NUGGC: variants seen among roughly 807,000 people sequenced by gnomAD.
The protein encoded by NUGGC is nuclear GTPase SLIP-GC.
In NUGGC, 58 loss-of-function variants were observed where a neutral mutation model predicts 92.6. That is an observed-to-expected ratio of 0.63 (90% CI 0.51 to 0.78). The LOEUF (loss-of-function observed/expected upper bound fraction) is 0.78, where lower values mean the gene tolerates loss of function less well. Ranked by LOEUF, NUGGC falls within the 30% of genes least tolerant of loss-of-function variation. The probability of loss-of-function intolerance (pLI) is 0.00; values close to 1 mark genes in which losing one functional copy is unlikely to be tolerated. For synonymous variants in NUGGC, 376 were observed against 366.4 expected, an observed-to-expected ratio of 1.03 and a Z score of -0.30; for missense variants, 925 against 964.6, an observed-to-expected ratio of 0.96 and a Z score of 0.54.
Position 28,041,184 on chromosome 8 carries a change from C to G in NUGGC, c.1478G>C (p.Arg493Thr), listed in dbSNP as rs777007982. 2.5e-6 allele frequency: 4 copies of G among 1,611,232 alleles called. No individual in the cohort carries two copies. The highest frequency in any genetic ancestry group is 1.3e-5 in the African/African-American group (1 of 74,902). Residue 493 changes from arginine (R) to threonine (T), a missense_variant, in exon 13 of 19, where the codon AGA (arginine) becomes ACA (threonine). Arg to Thr is a moderately conservative substitution (Grantham distance 71). Coordinates refer to ENST00000413272, the MANE Select transcript of NUGGC (RefSeq NM_001010906.2). ...NEHLHMSVLR[R>T]FAEEKVELLE... ...CAGCTCAACCTTCTCTTCCGCAAAT[C>G]TCCGCAGGACACTCATGTGCAAGTG... is the stretch of plus-strand genomic sequence containing the variant.
At chr8:28,025,669 G>C (rs1303134539) in intron 18 of NUGGC, among the ~76,000 whole-genome samples, 3 of 152,196 alleles carry the variant, frequency 2.0e-5, no homozygotes, top group Admixed American at 6.5e-5. Flanking sequence ...CATCTAACCA[G>C]CCATAAATGG....
intron 10 of NUGGC, among the ~76,000 whole-genome samples, chr8:28,051,513 A>C (rs185872932): frequency 1.8e-3 from 272 of 152,382 alleles, no homozygotes; most frequent in Non-Finnish European, 3.2e-3. Context: ...TTTACCTAAC[A>C]TATAAAAGAA....
chr8:28,054,812 C>T (rs1434759076), intron 10 of NUGGC, among the ~76,000 whole-genome samples: 1 of 152,122 alleles, frequency 6.6e-6, no homozygotes, highest in Non-Finnish European at 1.5e-5. Flanking sequence ...ACGTGGGAGG[C>T]TGAGGCAGGA....
At position 28,030,480 on chromosome 8, in the gene NUGGC, G is replaced by T. The variant is rs1585553947; in HGVS notation, c.1909-62C>A. 4 of 848,186 alleles carry T rather than the reference G, an allele frequency of 4.7e-6. No individual in the cohort carries two copies. In the Admixed American group the frequency reaches 8.0e-5, roughly 17 times the overall value. The allele number at this position is 848,186 out of a possible 1,614,324, so 52.5% of individuals were successfully genotyped here. A position where few individuals can be genotyped will look rare whatever the true frequency, so the allele number is the denominator to read the frequency against. On this transcript the variant is annotated intron_variant, in intron 15 of 18. Coordinates refer to ENST00000413272, the MANE Select transcript of NUGGC (RefSeq NM_001010906.2). ...TTCCTTCAATGGAAGCAGGTCAGGTGTCCCAGTGCATGGCCACCATTCCCT... is the reference window on the plus strand; with the variant it reads ...TTCCTTCAATGGAAGCAGGTCAGGTTTCCCAGTGCATGGCCACCATTCCCT...
chr8:28,044,222 T>C (rs1809770837), intron 12 of NUGGC, among the ~76,000 whole-genome samples: 1 of 152,194 alleles, frequency 6.6e-6, no homozygotes, highest in South Asian at 2.1e-4. Flanking sequence ...ATGTACTTCC[T>C]CTACCCCTTC....
chr8:28,068,291 A>G lies in NUGGC; in HGVS notation c.405T>C (p.Cys135=). 8 of 1,551,866 alleles carry G rather than the reference A, an allele frequency of 5.2e-6. No homozygotes were observed. The highest frequency in any genetic ancestry group is 4.0e-4 in the Middle Eastern group (2 of 5,036). Residue 135 remains cysteine (C), a synonymous_variant, in exon 5 of 19, where the codon TGT becomes TGC. Transcript: ENST00000413272. ...AGCTCACTTGTACAATGCAGGAAGT[A>G]CATATGCTTTCTCCAGACACTGGTA... The part of the protein sequence containing the change: ...MFLPVSGESI[C]TSCIVQVSSG...
intron 18 of NUGGC, among the ~76,000 whole-genome samples, 156 bp downstream of exon 18, chr8:28,026,806 C>T (rs1343170487): frequency 1.3e-5 from 2 of 152,134 alleles, no homozygotes; most frequent in East Asian, 1.9e-4. Context: ...CCATCATCAT[C>T]GTCATCATCT....
At chr8:28,027,787 G>C (rs1809306429) in intron 17 of NUGGC, among the ~76,000 whole-genome samples, 1 of 152,136 alleles carries the variant, frequency 6.6e-6, no homozygotes, top group Non-Finnish European at 1.5e-5. Context: ...TCATCTTTAA[G>C]ATCAGGGAAC....
chr8:28,025,067 T>C (rs1809222678), intron 18 of NUGGC, among the ~76,000 whole-genome samples: 1 of 152,236 alleles, frequency 6.6e-6, no homozygotes, highest in Non-Finnish European at 1.5e-5. Flanking sequence ...CTGCCTGCCT[T>C]CCACCCACTG....
chr8:28,028,744 C>T (rs1809334419), intron 17 of NUGGC, among the ~76,000 whole-genome samples: 1 of 152,208 alleles, frequency 6.6e-6, no homozygotes, highest in South Asian at 2.1e-4. Flanking sequence ...AAAATTAAAG[C>T]TGAATGTGTG....
intron 10 of NUGGC, among the ~76,000 whole-genome samples, chr8:28,051,085 A>G (rs1809989014): frequency 6.6e-6 from 1 of 152,036 alleles, no homozygotes; most frequent in Admixed American, 6.6e-5. Context: ...CGGCCTCCCA[A>G]AGTGCTGAGA....
chr8:28,064,047 C>T (rs942559713), intron 7 of NUGGC, among the ~76,000 whole-genome samples: 6 of 152,186 alleles, frequency 3.9e-5, no homozygotes, highest in Admixed American at 6.5e-5. Context: ...CCCTCCTCCA[C>T]GGACCCCATG....
In NUGGC at chr8:28,055,828, C is replaced by A. The variant is rs779130676; in HGVS notation, c.1206+137G>T. On this transcript the variant is annotated intron_variant, in intron 10 of 18. Coordinates refer to ENST00000413272, the MANE Select transcript of NUGGC (RefSeq NM_001010906.2). ...AGCCTGGCCAACAGAGTGAGACCCG[C>A]GTCTCAAAACAAAAGAAACTAACTG... 7.1e-5 allele frequency: 40 copies of A among 561,932 alleles called. No homozygotes were observed. In the South Asian group the frequency reaches 8.2e-4, roughly 12 times the overall value. 34.8% of individuals were successfully genotyped at this position (561,932 alleles called of 1,614,324 possible).
chr8:28,064,778 C>G lies in NUGGC; in HGVS notation c.712-47G>C, dbSNP rs751634952. On this transcript the variant is annotated intron_variant, in intron 6 of 18. Transcript: ENST00000413272. ...ACACACACCAGCCATGCACCCAGCTCTGTTCACCCCGGTTGGCTGTGATGC... is the reference window on the plus strand; with the variant it reads ...ACACACACCAGCCATGCACCCAGCTGTGTTCACCCCGGTTGGCTGTGATGC... 3 of 1,527,482 alleles carry G rather than the reference C, an allele frequency of 2.0e-6. No homozygotes were observed. The African/African-American group carries it at 4.1e-5, about 21-fold the overall frequency. The allele number at this position is 1,527,482 out of a possible 1,614,324, so 94.6% of individuals were successfully genotyped here. A position where few individuals can be genotyped will look rare whatever the true frequency, so the allele number is the denominator to read the frequency against.
chr8:28,065,322 C>A (rs1029378469), intron 6 of NUGGC, among the ~76,000 whole-genome samples: 4 of 152,036 alleles, frequency 2.6e-5, no homozygotes, highest in Non-Finnish European at 4.4e-5. Flanking sequence ...CCACGCCCGG[C>A]TAATTTTTGT....
intron 3 of NUGGC, 69 bp from the exon 4 acceptor site, chr8:28,069,721 G>T: frequency 2.3e-6 from 2 of 872,018 alleles, no homozygotes; most frequent in East Asian, 2.4e-5. Flanking sequence ...TCCAAAGGAG[G>T]TGTCTGTTGA....
intron 13 of NUGGC, among the ~76,000 whole-genome samples, chr8:28,037,545 G>C (rs1809587013): frequency 6.6e-6 from 1 of 152,140 alleles, no homozygotes; most frequent in Admixed American, 6.5e-5. Context: ...CATCCCTCCT[G>C]CTTCACTGTT....
At chr8:28,051,279 G>A (rs1809994794) in intron 10 of NUGGC, among the ~76,000 whole-genome samples, 2 of 152,198 alleles carry the variant, frequency 1.3e-5, no homozygotes, top group African/African-American at 2.4e-5. Context: ...AGGGAGTAAT[G>A]CTAAAGGGAG....
chr8:28,051,378 A>G (rs73669175), intron 10 of NUGGC, among the ~76,000 whole-genome samples: 3,602 of 152,314 alleles, frequency 0.024, 129 homozygotes, highest in African/African-American at 0.082. Flanking sequence ...TGAGCTCATT[A>G]TGATCCTAAA....
Sources: gnomAD v4.1 joint callset for allele counts (sites outside exome capture counted in the v4.1 genomes callset) on GRCh38, gnomAD v4.1.1 for gene constraint, MANE v1.5 for transcripts, NCBI Gene and HGNC (gene_info 2026-07-23, HGNC 2026-07-21) for gene names.